Variants in ITPR1 observed in about 807,000 individuals in gnomAD.
ITPR1 encodes inositol 1,4,5-trisphosphate receptor type 1, also known as inositol 1,4,5-trisphosphate-gated calcium channel ITPR1.
A neutral mutation model predicts 318.4 loss-of-function variants in ITPR1; 96 were observed. That is an observed-to-expected ratio of 0.30 (90% CI 0.26 to 0.36). The LOEUF (loss-of-function observed/expected upper bound fraction) is 0.36, where lower values mean the gene tolerates loss of function less well. ITPR1 is among the 10% of genes least tolerant of loss of function. The probability of loss-of-function intolerance (pLI) is 1.00; values close to 1 mark genes in which losing one functional copy is unlikely to be tolerated. For missense variants in ITPR1, 2,440 were observed against 3,460.2 expected (o/e 0.71, Z 7.40); for synonymous variants, 1,312 against 1,289.9 (o/e 1.02, Z -0.37).
chr3:4,624,234 G>A (rs2125122611), intron 4 of ITPR1, among the ~76,000 whole-genome samples: 1 of 152,310 alleles, frequency 6.6e-6, no homozygotes, highest in Middle Eastern at 3.4e-3. Context: ...GGTGAAAACT[G>A]ACATTGTTAA....
chr3:4,533,752 C>G (rs987371950), intron 4 of ITPR1, among the ~76,000 whole-genome samples: 5 of 152,190 alleles, frequency 3.3e-5, no homozygotes, highest in African/African-American at 1.2e-4. Context: ...TATGACAGAG[C>G]TTGGGGCTAT....
At chr3:4,702,613 G>T (rs1383026499) in intron 35 of ITPR1, among the ~76,000 whole-genome samples, 1 of 152,138 alleles carries the variant, frequency 6.6e-6, no homozygotes, top group African/African-American at 2.4e-5. Context: ...GCCCTAAAAT[G>T]CTTCTGAGTT....
In ITPR1 at chr3:4,814,406, A is replaced by G. The variant is rs772354227; in HGVS notation, c.7562-17A>G. ...CTCCTCACGTTTTCTCTCTGTTGTT[A>G]CTTGCCGTGTTCACAGAGCTGGTCC... is the stretch of plus-strand genomic sequence containing the variant. On this transcript the variant is annotated splice_polypyrimidine_tract_variant and intron_variant, in intron 57 of 61. Transcript: ENST00000649015. The G allele has an allele frequency of 6.2e-7, 1 of 1,613,750 alleles. No homozygotes were observed. The highest frequency in any genetic ancestry group is 8.5e-7 in the Non-Finnish European group (1 of 1,179,742).
chr3:4,589,872 A>G (rs1047953458), intron 4 of ITPR1, among the ~76,000 whole-genome samples: 3 of 152,190 alleles, frequency 2.0e-5, no homozygotes, highest in Non-Finnish European at 4.4e-5. Flanking sequence ...GAACAGCTGT[A>G]TGAGAAGACC....
chr3:4,749,021 G>A (rs1275072257), intron 44 of ITPR1, among the ~76,000 whole-genome samples: 9 of 152,152 alleles, frequency 5.9e-5, no homozygotes, highest in Non-Finnish European at 1.0e-4. Context: ...GATGCGCTTC[G>A]GTGACATGAC....
At chr3:4,818,277 T>G (rs150624114) in intron 60 of ITPR1, 35 bp downstream of exon 60, 16 of 1,538,616 alleles carry the variant, frequency 1.0e-5, no homozygotes, top group Non-Finnish European at 1.4e-5. Context: ...CAAGGTGGAC[T>G]TGGGGCCTAC....
chr3:4,805,644 A>G (rs1164600601), intron 54 of ITPR1, among the ~76,000 whole-genome samples: 2 of 152,216 alleles, frequency 1.3e-5, no homozygotes, highest in Non-Finnish European at 2.9e-5. Context: ...AAAGGCAAGA[A>G]CTGATCACTG....
At position 4,840,248 on chromosome 3, in the gene ITPR1, A is replaced by G. The variant is rs565422578; in HGVS notation, c.8190+3313A>G. On this transcript the variant is annotated intron_variant, in intron 61 of 61. Coordinates refer to ENST00000649015, the MANE Select transcript of ITPR1 (RefSeq NM_001378452.1). ...ATGTGCAAAAGATATTAAAAAATGC[A>G]GATATGTTACAGAGCTGCTCTTTCT... Among the ~76,000 whole-genome samples, 4 of 152,264 alleles carry G rather than the reference A, an allele frequency of 2.6e-5. No homozygotes were observed. The South Asian group carries it at 8.3e-4, about 32-fold the overall frequency.
chr3:4,665,536 A>C (rs1466989106), intron 17 of ITPR1, among the ~76,000 whole-genome samples: 1 of 152,092 alleles, frequency 6.6e-6, no homozygotes, highest in African/African-American at 2.4e-5. Flanking sequence ...CTGGTTTTGG[A>C]GTTGGTTTTA....
intron 44 of ITPR1, among the ~76,000 whole-genome samples, chr3:4,755,621 C>G (rs374490472): frequency 6.6e-6 from 1 of 152,104 alleles, no homozygotes; most frequent in Non-Finnish European, 1.5e-5. Flanking sequence ...CATGAAGATC[C>G]CCTGCCTTGG....
In ITPR1 at chr3:4,782,605, G is replaced by C. The variant is rs750068942; in HGVS notation, c.6388-14G>C. The C allele has an allele frequency of 1.3e-6, 2 of 1,596,956 alleles. No homozygotes were observed. The highest frequency in any genetic ancestry group is 2.7e-5 in the African/African-American group (2 of 74,158). Reference sequence around the variant, plus strand: ...CTTGAAACAGGATTTTTGTTCCCTTGGCTCTTCTTGCAGGTGGAAGTGATC... The same window carrying C: ...CTTGAAACAGGATTTTTGTTCCCTTCGCTCTTCTTGCAGGTGGAAGTGATC... On this transcript the variant is annotated splice_polypyrimidine_tract_variant and intron_variant, in intron 49 of 61. Coordinates refer to ENST00000649015, the MANE Select transcript of ITPR1 (RefSeq NM_001378452.1).
intron 12 of ITPR1, among the ~76,000 whole-genome samples, chr3:4,654,273 G>GT (rs1477791139): frequency 6.6e-6 from 1 of 152,174 alleles, no homozygotes; most frequent in Non-Finnish European, 1.5e-5. Flanking sequence ...TTTTCAGGGA[G>GT]TAAGTATGTG....
chr3:4,572,125 A>G (rs2088074572), intron 4 of ITPR1, among the ~76,000 whole-genome samples: 1 of 152,168 alleles, frequency 6.6e-6, no homozygotes, highest in Non-Finnish European at 1.5e-5. Flanking sequence ...GTCCAGTCCT[A>G]TGACTTGAAA....
chr3:4,712,011 G>T, intron 39 of ITPR1, 143 bp downstream of exon 39: 2 of 520,616 alleles, frequency 3.8e-6, no homozygotes. Context: ...AGAAAAAGCT[G>T]TTTATCCTGC....
intron 4 of ITPR1, among the ~76,000 whole-genome samples, chr3:4,541,398 A>G (rs978047982): frequency 1.3e-5 from 2 of 152,038 alleles, no homozygotes; most frequent in African/African-American, 4.8e-5. Flanking sequence ...TGTCAGCATC[A>G]TTATTTTTTT....
chr3:4,756,565 C>T (rs751487410), intron 44 of ITPR1, among the ~76,000 whole-genome samples: 16 of 152,236 alleles, frequency 1.1e-4, no homozygotes, highest in East Asian at 1.9e-4. Context: ...CCCACTTATA[C>T]GCCAGAACGT....
At chr3:4,523,987 T>C (rs1248302681) in intron 4 of ITPR1, among the ~76,000 whole-genome samples, 3 of 152,248 alleles carry the variant, frequency 2.0e-5, no homozygotes, top group Admixed American at 2.0e-4. Flanking sequence ...CACGTGACAG[T>C]GACTTGATTT....
At chr3:4,670,553 G>A (rs1277125957) in intron 19 of ITPR1, among the ~76,000 whole-genome samples, 176 bp from the exon 20 acceptor site, 5 of 152,176 alleles carry the variant, frequency 3.3e-5, no homozygotes, top group African/African-American at 1.2e-4. Flanking sequence ...CACCATAGTC[G>A]AGAACCACTG....
chr3:4,643,276 A>G (rs377166410), intron 7 of ITPR1, among the ~76,000 whole-genome samples: 28 of 152,354 alleles, frequency 1.8e-4, no homozygotes, highest in African/African-American at 6.0e-4. Flanking sequence ...CTCAAATGTG[A>G]TAAGCTTGAA....
Sources: allele counts gnomAD v4.1 joint callset (sites outside exome capture counted in the v4.1 genomes callset), GRCh38; gene constraint gnomAD v4.1.1; transcripts MANE v1.5; gene names NCBI Gene and HGNC (gene_info 2026-07-23, HGNC 2026-07-21).